VWF: variants seen among roughly 807,000 people sequenced by gnomAD.
The protein encoded by VWF is Factor VIII related antigen.
Under a neutral mutation model 308.6 loss-of-function variants are expected in VWF, and 176 were observed. That is an observed-to-expected ratio of 0.57 (90% confidence interval 0.50 to 0.65). The LOEUF is 0.65. Among genes scored for constraint, VWF ranks in the 30% least tolerant of loss-of-function variants. The probability of loss-of-function intolerance (pLI) is 0.00; values close to 1 mark genes in which losing one functional copy is unlikely to be tolerated. For missense variants in VWF, 3,146 were observed against 3,648.2 expected (o/e 0.86, Z 3.55); for synonymous variants, 1,385 against 1,443.4 (o/e 0.96, Z 0.92).
At chr12:6,044,141 C>A in intron 18 of VWF, 150 bp downstream of exon 18, 2 of 1,019,120 alleles carry the variant, frequency 2.0e-6, no homozygotes, top group African/African-American at 3.3e-5. Flanking sequence ...AGAGCCTCCC[C>A]TCCTCCATGC....
At chr12:6,110,165 G>A (rs995350050) in intron 5 of VWF, among the ~76,000 whole-genome samples, 1 of 152,128 alleles carries the variant, frequency 6.6e-6, no homozygotes, top group South Asian at 2.1e-4. Flanking sequence ...AAAGTTGAAC[G>A]AAGTCAGCTT....
At chr12:6,108,334 T>TATACACACAC (rs374693235) in intron 5 of VWF, among the ~76,000 whole-genome samples, 2,452 of 124,110 alleles carry the variant, frequency 0.02, 37 homozygotes, top group Non-Finnish European at 0.027. Context: ...AAGAAATATA[T>TATACACACAC]ACACACACAC....
chr12:5,951,692 T>C lies in VWF; in HGVS notation c.8155+152A>G. The C allele has an allele frequency of 4.5e-6, 4 of 879,692 alleles. No individual in the cohort carries two copies. The South Asian group carries it at 5.8e-5, about 13-fold the overall frequency. The allele number at this position is 879,692 out of a possible 1,614,324, so 54.5% of individuals were successfully genotyped here. A position where few individuals can be genotyped will look rare whatever the true frequency, so the allele number is the denominator to read the frequency against. ...TCCCTGCAAGACTGAACATAATGAC[T>C]GACCAGTGGTCACGAAATATCTTTC... On this transcript the variant is annotated intron_variant, in intron 50 of 51. Coordinates refer to ENST00000261405, the MANE Select transcript of VWF (RefSeq NM_000552.5).
intron 13 of VWF, among the ~76,000 whole-genome samples, chr12:6,062,039 A>T (rs1028272542): frequency 6.6e-6 from 1 of 152,194 alleles, no homozygotes; most frequent in Non-Finnish European, 1.5e-5. Context: ...TAGTGGGTTT[A>T]TTATTATAAT....
chr12:6,083,009 C>T (rs937760606), intron 6 of VWF, among the ~76,000 whole-genome samples: 1 of 152,154 alleles, frequency 6.6e-6, no homozygotes, highest in Non-Finnish European at 1.5e-5. Context: ...AGAATCTCAA[C>T]CCATCACTTT....
chr12:6,027,747 C>T (rs1016562645), intron 22 of VWF, among the ~76,000 whole-genome samples: 6 of 151,900 alleles, frequency 3.9e-5, no homozygotes, highest in East Asian at 3.9e-4. Context: ...TTTAGCTTTC[C>T]AACCTCTAGA....
chr12:6,030,137 G>A (rs1379963931), intron 21 of VWF, among the ~76,000 whole-genome samples: 1 of 152,196 alleles, frequency 6.6e-6, no homozygotes, highest in African/African-American at 2.4e-5. Flanking sequence ...TCATCAGACT[G>A]AGGCTGAGGC....
At chr12:6,088,041 A>G (rs1465821663) in intron 6 of VWF, among the ~76,000 whole-genome samples, 2 of 152,218 alleles carry the variant, frequency 1.3e-5, no homozygotes, top group Non-Finnish European at 2.9e-5. Flanking sequence ...GATGCAAGCC[A>G]CACAGTCCAC....
intron 2 of VWF, 96 bp downstream of exon 2, chr12:6,123,046 C>T: frequency 6.7e-7 from 1 of 1,502,138 alleles, no homozygotes; most frequent in East Asian, 2.3e-5. Flanking sequence ...GCTGGGCACA[C>T]AGGTGAGCTC....
intron 6 of VWF, among the ~76,000 whole-genome samples, chr12:6,084,810 T>C (rs1944950468): frequency 6.6e-6 from 1 of 151,940 alleles, no homozygotes. Flanking sequence ...TGCTCCAAAG[T>C]AGTGGGTTCA....
chr12:5,974,555 G>A (rs1240156341), intron 43 of VWF, among the ~76,000 whole-genome samples: 1 of 152,172 alleles, frequency 6.6e-6, no homozygotes, highest in East Asian at 1.9e-4. Context: ...GGCTGAGCTG[G>A]GCCTGTCAAC....
chr12:6,037,605 G>A (rs889915632), intron 18 of VWF, among the ~76,000 whole-genome samples: 2 of 152,226 alleles, frequency 1.3e-5, no homozygotes, highest in Admixed American at 6.5e-5. Flanking sequence ...ACACGCTTCT[G>A]TCCCGACTCC....
chr12:6,073,058 G>A (rs894457780), intron 8 of VWF, among the ~76,000 whole-genome samples: 4 of 152,070 alleles, frequency 2.6e-5, no homozygotes, highest in African/African-American at 7.2e-5. Context: ...GTGGAGACGG[G>A]ATTTCACCAG....
intron 5 of VWF, among the ~76,000 whole-genome samples, chr12:6,096,880 A>G (rs1013780533): frequency 6.6e-6 from 1 of 152,214 alleles, no homozygotes; most frequent in Non-Finnish European, 1.5e-5. Flanking sequence ...AAGGTCAAGT[A>G]ATGCATTTGC....
At chr12:6,068,420 C>T (rs1415951380) in intron 10 of VWF, among the ~76,000 whole-genome samples, 1 of 152,062 alleles carries the variant, frequency 6.6e-6, no homozygotes, top group Non-Finnish European at 1.5e-5. Flanking sequence ...CCACCAGATG[C>T]AAATTGTCAC....
At position 6,052,561 on chromosome 12, in the gene VWF, GAGA is replaced by G; in HGVS notation, c.2165_2167del (p.Phe722del). 1 of 1,614,230 alleles carries G rather than the reference GAGA, an allele frequency of 6.2e-7. No homozygotes were observed. The highest frequency in any genetic ancestry group is 1.1e-5 in the South Asian group (1 of 91,066). ...CACTTACCACATGGTGTGATGGTCT[GAGA>G]AGATGTCTTCTGGCTGGAAGATCTC... On this transcript the variant is annotated inframe_deletion, in exon 16 of 52. Coordinates refer to ENST00000261405, the MANE Select transcript of VWF (RefSeq NM_000552.5).
At chr12:5,962,608 T>C (rs1329885266) in intron 47 of VWF, among the ~76,000 whole-genome samples, 1 of 107,176 alleles carries the variant, frequency 9.3e-6, no homozygotes, top group Non-Finnish European at 1.8e-5. Context: ...AGTGGTACAA[T>C]CTCGGCTCAC....
chr12:6,123,937 G>T (rs1945459337), intron 1 of VWF, among the ~76,000 whole-genome samples: 1 of 152,156 alleles, frequency 6.6e-6, no homozygotes, highest in Non-Finnish European at 1.5e-5. Flanking sequence ...CTCGGGAAAA[G>T]TTGTTAAATG....
rs570035817 is a variant in VWF, at chr12:6,082,589, T to C, written c.658-7038A>G. ...GATGTAAACACACTGTAACCTCCTC[T>C]TGGGGCAGCCCACTGTTCAAACTAC... On this transcript the variant is annotated intron_variant, in intron 6 of 51. Coordinates refer to ENST00000261405, the MANE Select transcript of VWF (RefSeq NM_000552.5). Among the ~76,000 whole-genome samples the C allele has an allele frequency of 1.8e-4, 28 of 152,370 alleles. No homozygotes were observed. The South Asian group carries it at 5.2e-3, about 28-fold the overall frequency.
Sources: gnomAD v4.1 joint callset for allele counts (sites outside exome capture counted in the v4.1 genomes callset) on GRCh38, gnomAD v4.1.1 for gene constraint, MANE v1.5 for transcripts, NCBI Gene and HGNC (gene_info 2026-07-23, HGNC 2026-07-21) for gene names.